BZW2: variants seen among roughly 807,000 people sequenced by gnomAD.
The protein encoded by BZW2 is eIF5-mimic protein 1.
In BZW2, 23 loss-of-function variants were observed where a neutral mutation model predicts 53.2. The ratio of observed to expected loss-of-function variants is 0.43; its 90% CI spans 0.31 to 0.61. The LOEUF is 0.61. BZW2 is among the 20% of genes least tolerant of loss of function. The pLI is 0.09. For missense variants in BZW2, 409 were observed against 503.1 expected, an observed-to-expected ratio of 0.81 and a Z score of 1.79; for synonymous variants, 227 against 186.4, an observed-to-expected ratio of 1.22 and a Z score of -1.77.
chr7:16,653,304 T>A (rs997388436), intron 1 of BZW2, among the ~76,000 whole-genome samples: 1 of 152,258 alleles, frequency 6.6e-6, no homozygotes, highest in South Asian at 2.1e-4. Context: ...CTGAAGATTT[T>A]ATTTTCCTCT....
chr7:16,703,344 T>A (rs900407605), intron 10 of BZW2, among the ~76,000 whole-genome samples: 3 of 152,202 alleles, frequency 2.0e-5, no homozygotes, highest in Non-Finnish European at 4.4e-5. Flanking sequence ...ATCATGTTCA[T>A]TTTAGTCAGC....
intron 1 of BZW2, among the ~76,000 whole-genome samples, chr7:16,662,954 A>G (rs527277016): frequency 6.6e-6 from 1 of 152,302 alleles, no homozygotes; most frequent in East Asian, 1.9e-4. Context: ...TAACACAAAT[A>G]TATTTTGTAT....
intron 6 of BZW2, among the ~76,000 whole-genome samples, chr7:16,688,894 C>T (rs1012210445): frequency 6.6e-6 from 1 of 152,062 alleles, no homozygotes; most frequent in Non-Finnish European, 1.5e-5. Context: ...CTTGAAACAG[C>T]CTTGGTATTT....
At chr7:16,672,780 G>A (rs1418497987) in intron 2 of BZW2, among the ~76,000 whole-genome samples, 1 of 152,002 alleles carries the variant, frequency 6.6e-6, no homozygotes, top group African/African-American at 2.4e-5. Flanking sequence ...GCTCCAAGTC[G>A]ACCTTCCACA....
rs138481307 is a variant in BZW2, at chr7:16,696,926, T to C, written c.834T>C (p.Tyr278=). The change falls in exon 9 of 12, where the codon TAT becomes TAC. Residue 278 remains tyrosine (Y), a synonymous_variant. Coordinates refer to ENST00000258761, the MANE Select transcript of BZW2 (RefSeq NM_014038.3). ...QECPIKEVVL[Y]VKEEMKRNDL... ...TCCATGTAATGTAGGTGGTGCTTTA[T>C]GTCAAAGAAGAAATGAAGAGGAATG... 3,437 of 1,614,094 alleles carry C rather than the reference T, an allele frequency of 2.1e-3. 8 individuals carry two copies. The highest frequency in any genetic ancestry group is 2.7e-3 in the Non-Finnish European group (3,201 of 1,179,954).
intron 11 of BZW2, among the ~76,000 whole-genome samples, chr7:16,705,220 A>G (rs1369306160): frequency 1.3e-5 from 2 of 152,024 alleles, no homozygotes; most frequent in African/African-American, 4.8e-5. Context: ...TTAGCCAGGT[A>G]TGGTGGCTCA....
At chr7:16,682,639 T>C (rs1327359407) in intron 4 of BZW2, 141 bp from the exon 5 acceptor site, 1 of 376,018 alleles carries the variant, frequency 2.7e-6, no homozygotes, top group East Asian at 4.0e-5. Flanking sequence ...GAAATGCTTA[T>C]AGTTCTTATA....
chr7:16,674,192 G>T (rs1029768058), intron 2 of BZW2, among the ~76,000 whole-genome samples: 1 of 152,150 alleles, frequency 6.6e-6, no homozygotes, highest in African/African-American at 2.4e-5. Context: ...GAGCCACCGC[G>T]CCCGGCCTAC....
chr7:16,675,478 T>A (rs1021141437), intron 3 of BZW2, among the ~76,000 whole-genome samples: 2 of 152,212 alleles, frequency 1.3e-5, no homozygotes, highest in Admixed American at 1.3e-4. Flanking sequence ...CTACCTTGGC[T>A]TTGAAAAAGA....
intron 9 of BZW2, 103 bp from the exon 10 acceptor site, chr7:16,697,945 A>G: frequency 7.8e-6 from 11 of 1,408,804 alleles, no homozygotes; most frequent in Non-Finnish European, 1.1e-5. Context: ...CCTGAAAGTC[A>G]GTCTTTTCTA....
chr7:16,656,089 G>A (rs1045728206), intron 1 of BZW2, among the ~76,000 whole-genome samples: 1 of 151,040 alleles, frequency 6.6e-6, no homozygotes, highest in African/African-American at 2.4e-5. Flanking sequence ...ATATGTGTGT[G>A]TGTGTGTATG....
chr7:16,653,757 G>A (rs1782045603), intron 1 of BZW2, among the ~76,000 whole-genome samples: 1 of 152,066 alleles, frequency 6.6e-6, no homozygotes, highest in Non-Finnish European at 1.5e-5. Flanking sequence ...TTTCTAAAAG[G>A]TTACATAGGA....
intron 2 of BZW2, among the ~76,000 whole-genome samples, chr7:16,666,506 G>A (rs922042590): frequency 1.3e-5 from 2 of 151,906 alleles, no homozygotes; most frequent in Non-Finnish European, 2.9e-5. Context: ...AGGTTCAAGC[G>A]ATTCTCCTGC....
intron 1 of BZW2, chr7:16,661,076 C>T (rs930603592): frequency 6.6e-6 from 1 of 151,946 alleles, no homozygotes; most frequent in East Asian, 1.9e-4. Flanking sequence ...TATATATGCT[C>T]ATAAAGTTGT....
At chr7:16,698,250 A>C (rs899546986) in intron 10 of BZW2, 64 bp downstream of exon 10, 9 of 1,590,732 alleles carry the variant, frequency 5.7e-6, no homozygotes, top group Non-Finnish European at 7.8e-6. Context: ...GAGGCAGAGC[A>C]GGCAATGAGG....
At position 16,681,321 on chromosome 7, in the gene BZW2, G is replaced by A; in HGVS notation, c.256G>A (p.Asp86Asn). The A allele has an allele frequency of 6.2e-7, 1 of 1,613,994 alleles. No individual in the cohort carries two copies. Among genetic ancestry groups the A allele is most frequent in the Non-Finnish European group, 8.5e-7 (1 of 1,179,928 alleles). ...SMLAPGGTRI[D>N]DGDKTKMTNH... Reference sequence around the variant, plus strand: ...TTTAGCCCCTGGAGGAACGCGCATAGATGATGGTGACAAGACCAAGATGAC... The same window carrying A: ...TTTAGCCCCTGGAGGAACGCGCATAAATGATGGTGACAAGACCAAGATGAC... Residue 86 changes from aspartate to asparagine, a missense_variant, in exon 4 of 12, where the codon GAT (aspartate) becomes AAT (asparagine). Asp to Asn is a conservative substitution (Grantham distance 23). Transcript: ENST00000258761.
At chr7:16,704,779 G>A in intron 11 of BZW2, 110 bp downstream of exon 11, 2 of 1,177,418 alleles carry the variant, frequency 1.7e-6, no homozygotes, top group Non-Finnish European at 2.2e-6. Flanking sequence ...TAAAATTCTA[G>A]AGTTATCTTT....
chr7:16,682,438 G>A (rs1610686), intron 4 of BZW2, among the ~76,000 whole-genome samples: 135,856 of 152,202 alleles, frequency 0.89, 60,858 homozygotes, highest in African/African-American at 0.97. Context: ...TCACATCGTT[G>A]TCTAAGTGGT....
At chr7:16,661,872 C>T (rs1221357210) in intron 1 of BZW2, among the ~76,000 whole-genome samples, 1 of 152,036 alleles carries the variant, frequency 6.6e-6, no homozygotes, top group African/African-American at 2.4e-5. Context: ...TAGGTTGTAC[C>T]ACCATGGGGA....
Sources: gnomAD v4.1 joint callset for allele counts (sites outside exome capture counted in the v4.1 genomes callset) on GRCh38, gnomAD v4.1.1 for gene constraint, MANE v1.5 for transcripts, NCBI Gene and HGNC (gene_info 2026-07-23, HGNC 2026-07-21) for gene names.